The following NLGN1 variants were observed in gnomAD, a reference collection of about 807,000 sequenced individuals.
NLGN1 encodes the protein neuroligin 1.
In NLGN1, 12 loss-of-function variants were observed where a neutral mutation model predicts 65.5. That is an observed-to-expected ratio of 0.18 (90% CI 0.12 to 0.30). The LOEUF is 0.30. Among genes scored for constraint, NLGN1 ranks in the 10% least tolerant of loss-of-function variants. NLGN1 has a pLI of 1.00. For synonymous variants in NLGN1, 350 were observed against 359.5 expected (o/e 0.97, Z 0.30); for missense variants, 750 against 1,007.1 (o/e 0.74, Z 3.46).
intron 4 of NLGN1, among the ~76,000 whole-genome samples, chr3:174,092,867 C>A (rs1285952893): frequency 2.6e-5 from 4 of 152,158 alleles, no homozygotes; most frequent in Non-Finnish European, 5.9e-5. Flanking sequence ...AACTTCAAAT[C>A]TGTTCTCTGT....
Position 174,062,712 on chromosome 3 carries a change from ATGT to A in NLGN1, c.647-212597_647-212595del, listed in dbSNP as rs530214330. Reference sequence around the variant, plus strand: ...TCTAATTTTTTTCTCTAAAATGAAAATGTTGTTGAAATTGCTATCTTTGTGATG... The same window carrying A: ...TCTAATTTTTTTCTCTAAAATGAAAATGTTGAAATTGCTATCTTTGTGATG... On this transcript the variant is annotated intron_variant, in intron 4 of 6. Coordinates refer to ENST00000457714, the Ensembl canonical transcript of NLGN1. Among the ~76,000 whole-genome samples the A allele has an allele frequency of 1.3e-3, 199 of 152,092 alleles. 1 individual carries two copies. The highest frequency in any genetic ancestry group is 2.8e-4 in the Non-Finnish European group (19 of 67,900).
At chr3:173,700,829 T>C (rs1035505406) in intron 3 of NLGN1, among the ~76,000 whole-genome samples, 2 of 152,112 alleles carry the variant, frequency 1.3e-5, no homozygotes, top group African/African-American at 4.8e-5. Context: ...CTAGACCTCA[T>C]AAAAGTGCCA....
chr3:173,706,734 T>C (rs1768100691), intron 3 of NLGN1, among the ~76,000 whole-genome samples: 2 of 152,242 alleles, frequency 1.3e-5, no homozygotes, highest in South Asian at 4.1e-4. Flanking sequence ...ATATAGATCA[T>C]ATAGATATAG....
At chr3:174,179,285 G>C (rs995620018) in intron 4 of NLGN1, among the ~76,000 whole-genome samples, 6 of 152,042 alleles carry the variant, frequency 3.9e-5, no homozygotes, top group Non-Finnish European at 7.4e-5. Flanking sequence ...GAAATTCCAA[G>C]GTCCATGTGT....
At chr3:173,439,712 TA>T (rs1314923187) in intron 2 of NLGN1, among the ~76,000 whole-genome samples, 2 of 150,796 alleles carry the variant, frequency 1.3e-5, no homozygotes, top group African/African-American at 4.9e-5. Flanking sequence ...CCACTGAATC[TA>T]AAAAAAAAGC....
chr3:173,576,260 A>G (rs1054518145), intron 2 of NLGN1, among the ~76,000 whole-genome samples: 11 of 152,148 alleles, frequency 7.2e-5, no homozygotes, highest in Admixed American at 1.3e-4. Flanking sequence ...TTATGTTTCT[A>G]TGGGCAGCAC....
intron 1 of NLGN1, among the ~76,000 whole-genome samples, chr3:173,399,322 A>T (rs1244036143): frequency 6.6e-6 from 1 of 152,232 alleles, no homozygotes; most frequent in Non-Finnish European, 1.5e-5. Context: ...CTTTCAGCAG[A>T]TTCTACTAGA....
chr3:173,955,339 G>A (rs1172886248), intron 4 of NLGN1, among the ~76,000 whole-genome samples: 1 of 152,148 alleles, frequency 6.6e-6, no homozygotes, highest in African/African-American at 2.4e-5. Context: ...ATAAAGAATT[G>A]TGTGTGGCAT....
In NLGN1 at chr3:173,723,281, C is replaced by T. The variant is rs545095655; in HGVS notation, c.494-84399C>T. On this transcript the variant is annotated intron_variant, in intron 3 of 6. Coordinates refer to ENST00000457714, the Ensembl canonical transcript of NLGN1. Reference sequence around the variant, plus strand: ...ATGTTATCAAATTTAAAACATTTTTCATTGTTAGCTTCATCATTATTTTAT... The same window carrying T: ...ATGTTATCAAATTTAAAACATTTTTTATTGTTAGCTTCATCATTATTTTAT... Among the ~76,000 whole-genome samples, 1,201 of 152,286 alleles carry T rather than the reference C, an allele frequency of 7.9e-3. 8 individuals carry two copies. The highest frequency in any genetic ancestry group is 0.014 in the Middle Eastern group (4 of 294).
At chr3:174,242,805 G>A (rs977821746) in intron 4 of NLGN1, among the ~76,000 whole-genome samples, 3 of 151,994 alleles carry the variant, frequency 2.0e-5, no homozygotes, top group Non-Finnish European at 2.9e-5. Context: ...AACCATTCCC[G>A]CCCCCATCCA....
exon 7 of NLGN1, chr3:174,286,054 A>G (rs763022805): frequency 1.3e-5 from 2 of 151,448 alleles, no homozygotes; most frequent in Non-Finnish European, 3.0e-5. Flanking sequence ...AAATTGTCCA[A>G]ATAGTAAGTT....
chr3:174,267,511 C>T (rs1201542359), intron 4 of NLGN1, among the ~76,000 whole-genome samples: 1 of 152,124 alleles, frequency 6.6e-6, no homozygotes, highest in East Asian at 1.9e-4. Flanking sequence ...TCTCAAGAGT[C>T]TCTCAAACTT....
chr3:173,986,465 T>C (rs894651636), intron 4 of NLGN1, among the ~76,000 whole-genome samples: 9 of 151,786 alleles, frequency 5.9e-5, no homozygotes, highest in African/African-American at 1.9e-4. Context: ...CAAGACTCCA[T>C]CTCAAAAAAA....
chr3:173,638,180 G>C (rs73174601), intron 3 of NLGN1, among the ~76,000 whole-genome samples: 2 of 150,968 alleles, frequency 1.3e-5, no homozygotes, highest in South Asian at 4.2e-4. Flanking sequence ...ATAGGGGAAT[G>C]CATTTGTTAG....
chr3:174,024,891 A>G (rs528539685), intron 4 of NLGN1, among the ~76,000 whole-genome samples: 15 of 152,354 alleles, frequency 9.8e-5, no homozygotes, highest in Middle Eastern at 3.4e-3. Context: ...TAAAATAGAA[A>G]GTAAACACAT....
intron 4 of NLGN1, among the ~76,000 whole-genome samples, chr3:174,126,827 T>C (rs1719044622): frequency 6.6e-6 from 1 of 152,124 alleles, no homozygotes; most frequent in Non-Finnish European, 1.5e-5. Flanking sequence ...CAATACTTAC[T>C]AAAAATAAAT....
intron 4 of NLGN1, among the ~76,000 whole-genome samples, chr3:174,013,294 G>C (rs77094151): frequency 6.6e-6 from 1 of 152,214 alleles, no homozygotes; most frequent in Non-Finnish European, 1.5e-5. Flanking sequence ...TTGTCATAAA[G>C]ACTTTGAAAG....
chr3:173,612,149 C>A (rs555967514), intron 3 of NLGN1, among the ~76,000 whole-genome samples: 4 of 152,002 alleles, frequency 2.6e-5, no homozygotes, highest in Non-Finnish European at 5.9e-5. Flanking sequence ...TGGCAGAATT[C>A]GAACGTCACA....
intron 3 of NLGN1, among the ~76,000 whole-genome samples, chr3:173,691,609 C>A (rs1038299010): frequency 6.6e-6 from 1 of 151,964 alleles, no homozygotes; most frequent in African/African-American, 2.4e-5. Context: ...TCAGAGATAA[C>A]GTTTAAGAGT....
Sources: allele counts gnomAD v4.1 joint callset (sites outside exome capture counted in the v4.1 genomes callset), GRCh38; gene constraint gnomAD v4.1.1; transcripts MANE v1.5; gene names NCBI Gene and HGNC (gene_info 2026-07-23, HGNC 2026-07-21).